The following CMIP variants were observed in gnomAD, a reference collection of about 807,000 sequenced individuals.
CMIP encodes the protein c-Maf inducing protein, also known as C-Maf-inducing protein.
A neutral mutation model predicts 97.3 loss-of-function variants in CMIP; 13 were observed. The ratio of observed to expected loss-of-function variants is 0.13; its 90% CI spans 0.09 to 0.21. The LOEUF is 0.21. Among genes scored for constraint, CMIP ranks in the 10% least tolerant of loss-of-function variants. The pLI is 1.00. For missense variants in CMIP, 847 were observed against 1,024.9 expected, an observed-to-expected ratio of 0.83 and a Z score of 2.37; for synonymous variants, 538 against 436.3, an observed-to-expected ratio of 1.23 and a Z score of -2.91.
intron 1 of CMIP, among the ~76,000 whole-genome samples, chr16:81,479,040 C>G (rs766747768): frequency 6.6e-6 from 1 of 152,158 alleles, no homozygotes; most frequent in African/African-American, 2.4e-5. Context: ...CTCAGGCACT[C>G]GAGTGGGAAG....
In CMIP at chr16:81,706,911, A is replaced by G. The variant is rs1908213440; in HGVS notation, c.2198-103A>G. 13 of 927,700 alleles carry G rather than the reference A, an allele frequency of 1.4e-5. No individual in the cohort carries two copies. The South Asian group carries it at 1.6e-4, about 11-fold the overall frequency. 57.5% of individuals were successfully genotyped at this position (927,700 alleles called of 1,614,324 possible). On this transcript the variant is annotated intron_variant, in intron 19 of 20. Coordinates refer to ENST00000537098, the MANE Select transcript of CMIP (RefSeq NM_198390.3). ...TCCCTCCCCAGCCCCATCTCCTAACAGGGGGCCTGGCACCTGCATTGAGCT... is the reference window on the plus strand; with the variant it reads ...TCCCTCCCCAGCCCCATCTCCTAACGGGGGGCCTGGCACCTGCATTGAGCT...
At chr16:81,503,053 T>C (rs1273759887) in intron 1 of CMIP, among the ~76,000 whole-genome samples, 2 of 152,194 alleles carry the variant, frequency 1.3e-5, no homozygotes, top group South Asian at 2.1e-4. Context: ...TCCTCGTTGA[T>C]GTTTCATTAA....
chr16:81,681,024 G>A (rs749269323), intron 10 of CMIP, among the ~76,000 whole-genome samples: 22 of 152,146 alleles, frequency 1.4e-4, no homozygotes, highest in Admixed American at 3.9e-4. Context: ...CTGCCTGCCC[G>A]CATCACCCAG....
intron 1 of CMIP, among the ~76,000 whole-genome samples, chr16:81,451,063 A>G (rs953277851): frequency 6.6e-6 from 1 of 151,564 alleles, no homozygotes; most frequent in Non-Finnish European, 1.5e-5. Flanking sequence ...ATGTAGGTAG[A>G]CCCTCCCCTG....
chr16:81,547,680 T>G (rs2090573877), intron 1 of CMIP, among the ~76,000 whole-genome samples: 1 of 151,926 alleles, frequency 6.6e-6, no homozygotes, highest in African/African-American at 2.4e-5. Context: ...AGATTGAGTG[T>G]CCGTTAGTTC....
At chr16:81,513,671 A>G (rs769123498) in intron 1 of CMIP, among the ~76,000 whole-genome samples, 2 of 152,230 alleles carry the variant, frequency 1.3e-5, no homozygotes, top group South Asian at 2.1e-4. Flanking sequence ...GCAATGGGGC[A>G]AGGGTCAGAT....
chr16:81,606,491 T>C (rs1041892233), intron 1 of CMIP, among the ~76,000 whole-genome samples: 3 of 152,164 alleles, frequency 2.0e-5, no homozygotes, highest in Non-Finnish European at 4.4e-5. Context: ...GGTCACCTGG[T>C]GCCTTCTCGG....
chr16:81,498,697 CAT>C (rs915799784), intron 1 of CMIP, among the ~76,000 whole-genome samples: 9 of 152,176 alleles, frequency 5.9e-5, no homozygotes, highest in African/African-American at 1.2e-4. Context: ...CTTGAGCACA[CAT>C]GTCCTGGGCC....
chr16:81,672,533 G>A (rs1210213344), intron 9 of CMIP, among the ~76,000 whole-genome samples: 1 of 152,196 alleles, frequency 6.6e-6, no homozygotes, highest in East Asian at 1.9e-4. Context: ...GTCTAGTCTT[G>A]GCTTTGAGAA....
chr16:81,696,180 G>A (rs2151087824), intron 13 of CMIP: 1 of 299,772 alleles, frequency 3.3e-6, no homozygotes, highest in African/African-American at 2.3e-5. Flanking sequence ...CCACCCAGAG[G>A]AAGGCATAGC....
chr16:81,537,874 G>C (rs921938678), intron 1 of CMIP, among the ~76,000 whole-genome samples: 18 of 152,296 alleles, frequency 1.2e-4, no homozygotes, highest in African/African-American at 4.3e-4. Flanking sequence ...TGGGGTGCAG[G>C]GCAAGGGTCA....
chr16:81,562,814 G>C (rs547689226), intron 1 of CMIP, among the ~76,000 whole-genome samples: 10 of 152,356 alleles, frequency 6.6e-5, no homozygotes, highest in Non-Finnish European at 1.2e-4. Context: ...GGAAACTGAA[G>C]CTCAGAAGGG....
intron 1 of CMIP, among the ~76,000 whole-genome samples, chr16:81,512,678 A>G (rs1480630897): frequency 6.6e-6 from 1 of 152,072 alleles, no homozygotes. Context: ...ATTTAAATTT[A>G]TATTTGATGA....
At chr16:81,623,778 C>T (rs2092022998) in intron 3 of CMIP, among the ~76,000 whole-genome samples, 1 of 152,200 alleles carries the variant, frequency 6.6e-6, no homozygotes, top group Non-Finnish European at 1.5e-5. Flanking sequence ...AGAAAGTGTT[C>T]ACCTAATACA....
chr16:81,474,340 C>T (rs1389865099), intron 1 of CMIP, among the ~76,000 whole-genome samples: 1 of 152,108 alleles, frequency 6.6e-6, no homozygotes, highest in Non-Finnish European at 1.5e-5. Context: ...CCCCTTCTTT[C>T]TCCTGCACCC....
intron 5 of CMIP, among the ~76,000 whole-genome samples, chr16:81,659,829 CT>C (rs2092525010): frequency 2.0e-5 from 3 of 152,336 alleles, no homozygotes; most frequent in Admixed American, 2.0e-4. Context: ...AGAATTTGAT[CT>C]GAGGGTCTGA....
At chr16:81,508,079 T>G (rs1483273911) in intron 1 of CMIP, among the ~76,000 whole-genome samples, 1 of 152,242 alleles carries the variant, frequency 6.6e-6, no homozygotes, top group African/African-American at 2.4e-5. Flanking sequence ...GCAGGAGCAT[T>G]CCTCCCCCAA....
intron 4 of CMIP, among the ~76,000 whole-genome samples, chr16:81,657,290 C>T (rs1171817775): frequency 6.6e-6 from 1 of 152,178 alleles, no homozygotes; most frequent in Non-Finnish European, 1.5e-5. Context: ...TCCTTGGGAA[C>T]TTAGTTTGAG....
At chr16:81,584,517 G>GA in intron 1 of CMIP, among the ~76,000 whole-genome samples, 1 of 152,264 alleles carries the variant, frequency 6.6e-6, no homozygotes. Context: ...TTGTCAGAAT[G>GA]ACCCTGTTTT....
Sources: gnomAD v4.1 joint callset for allele counts (sites outside exome capture counted in the v4.1 genomes callset) on GRCh38, gnomAD v4.1.1 for gene constraint, MANE v1.5 for transcripts, NCBI Gene and HGNC (gene_info 2026-07-23, HGNC 2026-07-21) for gene names.